The following CPA6 variants were observed in gnomAD, a reference collection of about 807,000 sequenced individuals.
CPA6 encodes carboxypeptidase B.
Under a neutral mutation model 63.3 loss-of-function variants are expected in CPA6, and 58 were observed. That is an observed-to-expected ratio of 0.92 (90% confidence interval 0.74 to 1.14). The LOEUF (loss-of-function observed/expected upper bound fraction) is 1.14, where lower values mean the gene tolerates loss of function less well. CPA6 is among the 50% of genes most tolerant of loss of function. The probability of loss-of-function intolerance (pLI) is 0.00; values close to 1 mark genes in which losing one functional copy is unlikely to be tolerated. For missense variants in CPA6, 565 were observed against 526.6 expected, an observed-to-expected ratio of 1.07 and a Z score of -0.71; for synonymous variants, 185 against 179.0, an observed-to-expected ratio of 1.03 and a Z score of -0.27.
chr8:67,544,548 C>T (rs1450664665), intron 2 of CPA6, among the ~76,000 whole-genome samples: 1 of 152,170 alleles, frequency 6.6e-6, no homozygotes. Context: ...AAACAGATGT[C>T]CCATATCCTC....
chr8:67,719,549 T>A (rs752344662), intron 1 of CPA6, among the ~76,000 whole-genome samples: 24 of 152,110 alleles, frequency 1.6e-4, no homozygotes, highest in Non-Finnish European at 2.9e-4. Context: ...TCCACTGAAG[T>A]GTTTCGGATC....
chr8:67,705,222 G>T (rs983866203), intron 1 of CPA6, among the ~76,000 whole-genome samples: 1 of 152,146 alleles, frequency 6.6e-6, no homozygotes, highest in African/African-American at 2.4e-5. Context: ...TGGAAACGGG[G>T]CTGCCTTGAG....
At chr8:67,440,203 T>G (rs1810259360) in intron 8 of CPA6, among the ~76,000 whole-genome samples, 1 of 152,178 alleles carries the variant, frequency 6.6e-6, no homozygotes, top group Non-Finnish European at 1.5e-5. Context: ...TTCCTAGCTT[T>G]GGGTGGTTCT....
Position 67,527,016 on chromosome 8 carries a change from G to A in CPA6, c.193-8969C>T, listed in dbSNP as rs1383511409. Among the ~76,000 whole-genome samples, 6 of 152,096 alleles carry A rather than the reference G, an allele frequency of 3.9e-5. No homozygotes were observed. The East Asian group carries it at 5.8e-4, about 15-fold the overall frequency. ...CCTGAAATTCGAGTTAGCATTTTCA[G>A]CCTGGCTCCGAGGTAGAATGGATGG... On this transcript the variant is annotated intron_variant, in intron 2 of 10. Transcript: ENST00000297770.
intron 1 of CPA6, among the ~76,000 whole-genome samples, chr8:67,651,916 T>C (rs113945016): frequency 3.5e-5 from 5 of 144,736 alleles, no homozygotes; most frequent in African/African-American, 1.0e-4. Context: ...CAACAGTCCC[T>C]GGAGTGTGAT....
chr8:67,655,408 C>A (rs1208124699), intron 1 of CPA6, among the ~76,000 whole-genome samples: 2 of 151,974 alleles, frequency 1.3e-5, no homozygotes, highest in Non-Finnish European at 2.9e-5. Flanking sequence ...CCTACTGTGA[C>A]GTACAAAACT....
intron 10 of CPA6, among the ~76,000 whole-genome samples, chr8:67,423,968 C>A (rs1009191001): frequency 2.6e-5 from 4 of 152,158 alleles, no homozygotes; most frequent in Non-Finnish European, 5.9e-5. Flanking sequence ...TACAGTCACT[C>A]GCTATCGCTT....
intron 3 of CPA6, among the ~76,000 whole-genome samples, chr8:67,516,501 G>A (rs548807635): frequency 3.4e-4 from 52 of 152,276 alleles, no homozygotes; most frequent in Admixed American, 6.5e-4. Context: ...GATCAGTGAT[G>A]CATCTCCTCC....
At chr8:67,430,178 T>C in intron 9 of CPA6, among the ~76,000 whole-genome samples, 1 of 128,524 alleles carries the variant, frequency 7.8e-6, no homozygotes, top group South Asian at 2.2e-4. Context: ...TGTGTATATA[T>C]TTTGTTTTTT....
rs765617953 is a variant in CPA6 at position 67,746,171 on chromosome 8, C to G, written c.-42G>C. 1.3e-6 allele frequency: 2 copies of G among 1,519,168 alleles called. No homozygotes were observed. Among genetic ancestry groups the G allele is most frequent in the East Asian group, 4.6e-5 (2 of 43,844 alleles). 94.1% of individuals were successfully genotyped at this position (1,519,168 alleles called of 1,614,324 possible). ...GAGTTGAAAGTTACTTAAGCAGCCA[C>G]CCGAGGCTGGAGGTGGCTCACAGCA... On this transcript the variant is annotated 5_prime_UTR_variant, in exon 1 of 11. Coordinates refer to ENST00000297770, the MANE Select transcript of CPA6 (RefSeq NM_020361.5).
At chr8:67,703,355 T>C (rs1817064935) in intron 1 of CPA6, among the ~76,000 whole-genome samples, 2 of 152,204 alleles carry the variant, frequency 1.3e-5, no homozygotes, top group African/African-American at 4.8e-5. Context: ...GTGGCCCTCC[T>C]GGACAGGAGG....
chr8:67,584,671 G>T (rs1231041060), intron 2 of CPA6, among the ~76,000 whole-genome samples: 2 of 152,194 alleles, frequency 1.3e-5, no homozygotes, highest in Non-Finnish European at 1.5e-5. Flanking sequence ...TGCTGGAGTG[G>T]AGTAGGGCTG....
intron 1 of CPA6, among the ~76,000 whole-genome samples, chr8:67,726,869 A>T (rs1225198010): frequency 6.6e-6 from 1 of 152,164 alleles, no homozygotes; most frequent in East Asian, 1.9e-4. Context: ...TCTCATTTTC[A>T]GTTAGAAATA....
At chr8:67,517,790 T>G (rs1812176541) in intron 3 of CPA6, 133 bp downstream of exon 3, 13 of 888,512 alleles carry the variant, frequency 1.5e-5, no homozygotes, top group Non-Finnish European at 2.2e-5. Context: ...AATATATTCA[T>G]GTCAGTTTTC....
At chr8:67,662,518 C>T (rs1326461217) in intron 1 of CPA6, among the ~76,000 whole-genome samples, 1 of 129,258 alleles carries the variant, frequency 7.7e-6, no homozygotes, top group Non-Finnish European at 1.6e-5. Flanking sequence ...ATAATACATA[C>T]ACACGTATAT....
At chr8:67,620,702 A>G (rs1815059693) in intron 2 of CPA6, among the ~76,000 whole-genome samples, 1 of 152,248 alleles carries the variant, frequency 6.6e-6, no homozygotes, top group South Asian at 2.1e-4. Context: ...ATTCAAATTT[A>G]AAATGACATC....
At chr8:67,492,480 T>C (rs1156994137) in intron 6 of CPA6, among the ~76,000 whole-genome samples, 2 of 152,178 alleles carry the variant, frequency 1.3e-5, no homozygotes, top group Admixed American at 1.3e-4. Context: ...ATAAGGTTTT[T>C]TTTTTACAAA....
intron 1 of CPA6, among the ~76,000 whole-genome samples, chr8:67,676,922 GA>G (rs1223273903): frequency 6.6e-6 from 1 of 152,000 alleles, no homozygotes; most frequent in East Asian, 1.9e-4. Flanking sequence ...CAAAACTTGG[GA>G]AAAAACGTGT....
chr8:67,553,495 G>A (rs1049784907), intron 2 of CPA6, among the ~76,000 whole-genome samples: 8 of 152,082 alleles, frequency 5.3e-5, no homozygotes, highest in African/African-American at 1.7e-4. Flanking sequence ...TTACATAAGG[G>A]GTATGGATTA....
Sources: gnomAD v4.1 joint callset for allele counts (sites outside exome capture counted in the v4.1 genomes callset) on GRCh38, gnomAD v4.1.1 for gene constraint, MANE v1.5 for transcripts, NCBI Gene and HGNC (gene_info 2026-07-23, HGNC 2026-07-21) for gene names.